The following HLCS variants were observed in gnomAD, a reference collection of about 807,000 sequenced individuals.
HLCS encodes the protein biotin--protein ligase.
Under a neutral mutation model 75.0 loss-of-function variants are expected in HLCS, and 53 were observed. That is an observed-to-expected ratio of 0.71 (90% CI 0.57 to 0.89). The LOEUF (loss-of-function observed/expected upper bound fraction) is 0.89, where lower values mean the gene tolerates loss of function less well. HLCS is among the 40% of genes least tolerant of loss of function. The pLI, the probability that HLCS is intolerant of heterozygous loss-of-function variation, is 0.00. For missense variants in HLCS, 966 were observed against 1,074.0 expected (o/e 0.90, Z 1.41); for synonymous variants, 431 against 428.6 (o/e 1.01, Z -0.07).
chr21:36,883,095 C>A (rs2064299915), intron 6 of HLCS, among the ~76,000 whole-genome samples: 1 of 152,074 alleles, frequency 6.6e-6, no homozygotes, highest in South Asian at 2.1e-4. Context: ...GACGGAATAC[C>A]CCTCATGCAG....
At chr21:36,840,258 T>A (rs1200383538) in intron 6 of HLCS, among the ~76,000 whole-genome samples, 1 of 152,184 alleles carries the variant, frequency 6.6e-6, no homozygotes, top group East Asian at 1.9e-4. Flanking sequence ...AATACAAAAA[T>A]AACCTATCAT....
chr21:36,852,089 A>C (rs1040793861), intron 6 of HLCS: 5 of 152,246 alleles, frequency 3.3e-5, no homozygotes, highest in African/African-American at 1.2e-4. Flanking sequence ...ATTATAAGTC[A>C]AAGTGCCACC....
rs573321654 is a variant in HLCS, at chr21:36,929,041, A to G, written c.1620+1210T>C. Among the ~76,000 whole-genome samples, 11 of 152,372 alleles carry G rather than the reference A, an allele frequency of 7.2e-5. No homozygotes were observed. In the South Asian group the frequency reaches 2.1e-3, roughly 29 times the overall value. On this transcript the variant is annotated intron_variant, in intron 5 of 10. Transcript: ENST00000674895. ...CAGACACATGATACAAAGCCCTGACATGGGTATTTCAGGTTATACTCATCC... is the reference window on the plus strand; with the variant it reads ...CAGACACATGATACAAAGCCCTGACGTGGGTATTTCAGGTTATACTCATCC...
intron 6 of HLCS, among the ~76,000 whole-genome samples, chr21:36,803,800 C>T (rs1264608967): frequency 1.3e-5 from 2 of 148,438 alleles, no homozygotes; most frequent in South Asian, 2.1e-4. Flanking sequence ...TGCTATCAAA[C>T]ATCCATTTCA....
chr21:36,862,945 CT>C (rs779603490), intron 6 of HLCS, among the ~76,000 whole-genome samples: 593 of 139,916 alleles, frequency 4.2e-3, no homozygotes, highest in Admixed American at 5.3e-3. Flanking sequence ...CTCTTTCTCT[CT>C]TTTTTTTTTT....
chr21:36,933,551 C>CAAAA (rs66614497), intron 4 of HLCS, among the ~76,000 whole-genome samples: 1 of 84,070 alleles, frequency 1.2e-5, no homozygotes, highest in Non-Finnish European at 2.3e-5. Flanking sequence ...AACTCCGTCT[C>CAAAA]AAAAAAAAAA....
chr21:36,765,428 G>A (rs1271432749), intron 7 of HLCS, among the ~76,000 whole-genome samples: 2 of 152,190 alleles, frequency 1.3e-5, no homozygotes, highest in Non-Finnish European at 2.9e-5. Flanking sequence ...ATGACTCAGA[G>A]TCTTACAGCG....
chr21:36,778,812 C>A (rs2060442974), intron 6 of HLCS, among the ~76,000 whole-genome samples: 1 of 152,172 alleles, frequency 6.6e-6, no homozygotes, highest in Non-Finnish European at 1.5e-5. Context: ...ACATATCTGG[C>A]AAGTGAATGC....
rs1407550576 is a variant in HLCS at position 36,753,313 on chromosome 21, G to A, written c.*933C>T. On this transcript the variant is annotated 3_prime_UTR_variant, in exon 11 of 11. Coordinates refer to ENST00000674895, the MANE Select transcript of HLCS (RefSeq NM_001352514.2). This position sits in a 1 kb window ranked among gnomAD's most constrained non-coding sequence, Gnocchi z 4.3. ...AAATGCCATGTCTTCTATATTCCGT[G>A]AGCTGCACAGTCTTGCAGGAATGCT... 6.6e-6 allele frequency: 1 copy of A among 152,228 alleles called. No individual in the cohort carries two copies. The highest frequency in any genetic ancestry group is 2.4e-5 in the African/African-American group (1 of 41,406). The allele number at this position is 152,228 out of a possible 1,614,324, so 9.4% of individuals were successfully genotyped here. A position where few individuals can be genotyped will look rare whatever the true frequency, so the allele number is the denominator to read the frequency against.
At chr21:36,986,064 C>T (rs1214310865) in intron 1 of HLCS, among the ~76,000 whole-genome samples, 1 of 152,136 alleles carries the variant, frequency 6.6e-6, no homozygotes, top group Non-Finnish European at 1.5e-5. Context: ...AATGTAATCC[C>T]CAGTGCAACA....
chr21:36,749,122 A>C lies in HLCS; in HGVS notation c.*5124T>G, dbSNP rs1259422635. ...CTTCGTAAGAACATGTTACGTGTGC[A>C]ACAGGTAAACAGAAATCCTTTCATA... On this transcript the variant is annotated 3_prime_UTR_variant, in exon 11 of 11. Transcript: ENST00000674895. 6.5e-6 allele frequency: 1 copy of C among 152,704 alleles called. No homozygotes were observed. Among genetic ancestry groups the C allele is most frequent in the African/African-American group, 2.4e-5 (1 of 41,476 alleles). 9.5% of individuals were successfully genotyped at this position (152,704 alleles called of 1,614,324 possible). A position where few individuals can be genotyped will look rare whatever the true frequency, so the allele number is the denominator to read the frequency against.
chr21:36,841,961 C>T (rs1316639557), intron 6 of HLCS, among the ~76,000 whole-genome samples: 1 of 152,188 alleles, frequency 6.6e-6, no homozygotes, highest in East Asian at 1.9e-4. Context: ...TACCTCACAA[C>T]CCAGCAATTC....
At chr21:36,849,236 G>A (rs1056934600) in intron 6 of HLCS, among the ~76,000 whole-genome samples, 2 of 152,162 alleles carry the variant, frequency 1.3e-5, no homozygotes, top group African/African-American at 4.8e-5. Flanking sequence ...AAACATATCT[G>A]GAAAAGGCCT....
chr21:36,832,122 A>T (rs1046995442), intron 6 of HLCS, among the ~76,000 whole-genome samples: 3 of 152,186 alleles, frequency 2.0e-5, no homozygotes. Context: ...CTGGTCCTTT[A>T]AGGCCAGCCG....
At chr21:36,890,539 T>C (rs2064737372) in intron 6 of HLCS, among the ~76,000 whole-genome samples, 1 of 152,102 alleles carries the variant, frequency 6.6e-6, no homozygotes, top group African/African-American at 2.4e-5. Flanking sequence ...CTCCCCTCTA[T>C]TCAATCACAA....
chr21:36,828,390 T>C (rs2062083516), intron 6 of HLCS, among the ~76,000 whole-genome samples: 1 of 152,070 alleles, frequency 6.6e-6, no homozygotes. Context: ...AATGAATGAA[T>C]GAATGAATGA....
intron 9 of HLCS, among the ~76,000 whole-genome samples, chr21:36,757,585 A>G (rs2089652898): frequency 6.6e-6 from 1 of 152,210 alleles, no homozygotes; most frequent in Non-Finnish European, 1.5e-5. Context: ...GACTTTAAGA[A>G]AAAAAATCCC....
In HLCS at chr21:36,810,331, A is replaced by AT. The variant is rs1263771884; in HGVS notation, c.1893-43047dup. On this transcript the variant is annotated intron_variant, in intron 6 of 10. Transcript: ENST00000674895. ...CTGACCCTTTCGGCAGCAAGCACAG[A>AT]TTTTTTTGTCATTATTGTGATCTGA... Among the ~76,000 whole-genome samples, 4 of 152,220 alleles carry AT rather than the reference A, an allele frequency of 2.6e-5. No individual in the cohort carries two copies. In the East Asian group the frequency reaches 5.8e-4, roughly 22 times the overall value.
intron 5 of HLCS, among the ~76,000 whole-genome samples, chr21:36,917,506 A>G (rs2065982390): frequency 6.6e-6 from 1 of 152,184 alleles, no homozygotes; most frequent in South Asian, 2.1e-4. Flanking sequence ...GTGCATTAAT[A>G]ACAGCTTATT....
Sources: gnomAD v4.1 joint callset for allele counts (sites outside exome capture counted in the v4.1 genomes callset) on GRCh38, gnomAD v4.1.1 for gene constraint, Gnocchi (gnomAD v3.1) non-coding constraint, MANE v1.5 for transcripts, NCBI Gene and HGNC (gene_info 2026-07-23, HGNC 2026-07-21) for gene names.